The following NSUN2 variants were observed in gnomAD, a reference collection of about 807,000 sequenced individuals.
NSUN2 encodes NOP2/Sun RNA methyltransferase 2, also known as RNA cytosine C(5)-methyltransferase NSUN2.
A neutral mutation model predicts 92.7 loss-of-function variants in NSUN2; 63 were observed. The ratio of observed to expected loss-of-function variants is 0.68; its 90% CI spans 0.56 to 0.84. The LOEUF (loss-of-function observed/expected upper bound fraction) is 0.84. Among genes scored for constraint, NSUN2 ranks in the 40% least tolerant of loss-of-function variants. The probability of loss-of-function intolerance (pLI) is 0.00; values close to 1 mark genes in which losing one functional copy is unlikely to be tolerated. For missense variants in NSUN2, 989 were observed against 964.9 expected (o/e 1.02, Z -0.33); for synonymous variants, 356 against 348.3 (o/e 1.02, Z -0.25).
intron 6 of NSUN2, 131 bp downstream of exon 6, chr5:6,621,885 A>T (rs1194626039): frequency 5.8e-6 from 4 of 693,960 alleles, no homozygotes; most frequent in Non-Finnish European, 1.0e-5. Flanking sequence ...TACTTCCGGT[A>T]GACGGAAAAC....
intron 3 of NSUN2, among the ~76,000 whole-genome samples, chr5:6,627,313 C>T (rs1236724454): frequency 6.6e-6 from 1 of 152,220 alleles, no homozygotes; most frequent in Admixed American, 6.5e-5. Context: ...ACTGTAACCT[C>T]TACTTGCAAA....
chr5:6,605,133 G>C (rs1331861736), intron 15 of NSUN2, 140 bp downstream of exon 15: 1 of 1,113,166 alleles, frequency 9.0e-7, no homozygotes, highest in Non-Finnish European at 1.3e-6. Context: ...TGAAATCAAA[G>C]GGCAGGCTCA....
chr5:6,617,868 G>A, intron 8 of NSUN2, 82 bp downstream of exon 8: 1 of 1,042,622 alleles, frequency 9.6e-7, no homozygotes, highest in Admixed American at 2.1e-5. Flanking sequence ...TCTAATTAAA[G>A]ATCGGATGCT....
At position 6,610,998 on chromosome 5, in the gene NSUN2, G is replaced by A; in HGVS notation, c.1183C>T (p.Pro395Ser). 4 of 1,614,194 alleles carry A rather than the reference G, an allele frequency of 2.5e-6. No individual in the cohort carries two copies. The highest frequency in any genetic ancestry group is 3.4e-6 in the Non-Finnish European group (4 of 1,180,032). The part of the protein sequence containing the change: ...HTQIRPTMFP[P>S]KDPEKLQAMH... ...GCCTGCAGCTTTTCTGGGTCCTTCG[G>A]AGGGAACATGGTAGGTCGGATCTGG... Residue 395 changes from proline to serine, a missense_variant, in exon 11 of 19, where the codon CCG becomes TCG. Physicochemically the swap from Pro to Ser is moderately conservative, Grantham distance 74 (BLOSUM62 -1). Coordinates refer to ENST00000264670, the MANE Select transcript of NSUN2 (RefSeq NM_017755.6).
chr5:6,632,552 C>T lies in NSUN2; in HGVS notation c.254+47G>A, dbSNP rs771157810. Reference sequence around the variant, plus strand: ...AGAAAACACCGTCGCCTTTAACCTCCAGCATCCTGGCCCCAACTCCCAAAA... The same window carrying T: ...AGAAAACACCGTCGCCTTTAACCTCTAGCATCCTGGCCCCAACTCCCAAAA... On this transcript the variant is annotated intron_variant, in intron 2 of 18. Coordinates refer to ENST00000264670, the MANE Select transcript of NSUN2 (RefSeq NM_017755.6). 5.0e-6 allele frequency: 8 copies of T among 1,602,546 alleles called. No homozygotes were observed. In the South Asian group the frequency reaches 8.9e-5, roughly 18 times the overall value.
At chr5:6,632,834 G>T (rs777853753) in intron 1 of NSUN2, 50 bp downstream of exon 1, 2 of 1,551,802 alleles carry the variant, frequency 1.3e-6, no homozygotes, top group East Asian at 4.9e-5. Flanking sequence ...CTCGGGGTCC[G>T]GGAAGCCCAG....
intron 17 of NSUN2, among the ~76,000 whole-genome samples, chr5:6,603,084 G>A (rs774411569): frequency 7.2e-5 from 11 of 152,176 alleles, no homozygotes; most frequent in Admixed American, 2.0e-4. Context: ...ACTGCAAGAA[G>A]TGATTCACGT....
In NSUN2 at chr5:6,632,254, T is replaced by C. The variant is rs545855194; in HGVS notation, c.255-277A>G. On this transcript the variant is annotated intron_variant, in intron 2 of 18. Coordinates refer to ENST00000264670, the MANE Select transcript of NSUN2 (RefSeq NM_017755.6). ...ATTTAGAAAGATGTAACTACAAAGA[T>C]GGAGGGGGGGCGCGGAGGAGGGGAG... Among the ~76,000 whole-genome samples the C allele has an allele frequency of 7.2e-5, 11 of 152,036 alleles. No homozygotes were observed. In the Middle Eastern group the frequency reaches 0.01, roughly 141 times the overall value.
intron 4 of NSUN2, among the ~76,000 whole-genome samples, chr5:6,623,954 A>T (rs1170411758): frequency 6.6e-6 from 1 of 152,126 alleles, no homozygotes; most frequent in East Asian, 1.9e-4. Flanking sequence ...CCTCAACCAC[A>T]CCTCTACTTT....
At chr5:6,617,654 A>T (rs1206920726) in intron 8 of NSUN2, among the ~76,000 whole-genome samples, 1 of 152,248 alleles carries the variant, frequency 6.6e-6, no homozygotes, top group Non-Finnish European at 1.5e-5. Flanking sequence ...AAGATTAGTA[A>T]TGCATACATC....
intron 4 of NSUN2, among the ~76,000 whole-genome samples, chr5:6,623,666 T>C (rs1737547828): frequency 6.6e-6 from 1 of 152,212 alleles, no homozygotes. Context: ...GGACAGAAAG[T>C]GACTGTCAAA....
intron 8 of NSUN2, among the ~76,000 whole-genome samples, chr5:6,617,589 A>G (rs1289465297): frequency 6.6e-6 from 1 of 152,226 alleles, no homozygotes; most frequent in Admixed American, 6.5e-5. Flanking sequence ...TATTTCTAAG[A>G]GATCAAAATG....
intron 9 of NSUN2, among the ~76,000 whole-genome samples, 193 bp downstream of exon 9, chr5:6,616,534 A>C (rs1737217995): frequency 6.6e-6 from 1 of 152,148 alleles, no homozygotes; most frequent in Non-Finnish European, 1.5e-5. Context: ...AGGAGTTCAG[A>C]GTTTCAGTTT....
At chr5:6,614,871 G>A (rs1176603583) in intron 9 of NSUN2, among the ~76,000 whole-genome samples, 8 of 152,118 alleles carry the variant, frequency 5.3e-5, no homozygotes, top group South Asian at 2.1e-4. Context: ...CTCCAGCCAC[G>A]AGTGAGGACA....
At chr5:6,603,856 A>G in intron 17 of NSUN2, 1 of 306,914 alleles carries the variant, frequency 3.3e-6, no homozygotes. Context: ...CAGCAAGGTG[A>G]GCAAAGGCCA....
intron 15 of NSUN2, 24 bp from the exon 16 acceptor site, chr5:6,604,709 AAC>A (rs759136461): frequency 1.1e-5 from 17 of 1,584,770 alleles, no homozygotes; most frequent in Non-Finnish European, 1.5e-5. Flanking sequence ...AATAAGATGA[AAC>A]ACAGAGAGAT....
intron 7 of NSUN2, among the ~76,000 whole-genome samples, chr5:6,619,166 G>C (rs529925137): frequency 6.6e-6 from 1 of 151,850 alleles, no homozygotes; most frequent in South Asian, 2.1e-4. Context: ...TTGCAACCTA[G>C]AGGAAAAAAA....
chr5:6,630,722 T>C (rs1737845879), intron 3 of NSUN2, among the ~76,000 whole-genome samples: 1 of 152,196 alleles, frequency 6.6e-6, no homozygotes, highest in Admixed American at 6.5e-5. Flanking sequence ...TGACCTTGAT[T>C]TGCGAACACT....
At chr5:6,611,208 G>A (rs1399697806) in intron 10 of NSUN2, 123 bp from the exon 11 acceptor site, 1 of 1,068,284 alleles carries the variant, frequency 9.4e-7, no homozygotes, top group African/African-American at 1.6e-5. Context: ...TCCAAAGATA[G>A]GAAGATTATT....
Sources: gnomAD v4.1 joint callset for allele counts (sites outside exome capture counted in the v4.1 genomes callset) on GRCh38, gnomAD v4.1.1 for gene constraint, MANE v1.5 for transcripts, NCBI Gene and HGNC (gene_info 2026-07-23, HGNC 2026-07-21) for gene names.